The following CSMD1 variants were observed in gnomAD, a reference collection of about 807,000 sequenced individuals.
CSMD1 encodes CUB and sushi domain-containing protein 1.
In CSMD1, 213 loss-of-function variants were observed where a neutral mutation model predicts 417.5. That is an observed-to-expected ratio of 0.51 (90% CI 0.46 to 0.57). CSMD1 has a LOEUF of 0.57. CSMD1 is among the 20% of genes least tolerant of loss of function. The probability of loss-of-function intolerance (pLI) is 0.00; values close to 1 mark genes in which losing one functional copy is unlikely to be tolerated. For synonymous variants in CSMD1, 2,862 were observed against 1,736.8 expected, an observed-to-expected ratio of 1.65 and a Z score of -16.11; for missense variants, 6,923 against 4,529.7, an observed-to-expected ratio of 1.53 and a Z score of -15.17.
At chr8:4,052,664 G>A (rs1798492949) in intron 3 of CSMD1, among the ~76,000 whole-genome samples, 1 of 152,026 alleles carries the variant, frequency 6.6e-6, no homozygotes, top group Admixed American at 6.6e-5. Flanking sequence ...TCTGATAGAA[G>A]GAATCATCCC....
chr8:3,483,215 A>G (rs1369190313), intron 11 of CSMD1, among the ~76,000 whole-genome samples: 3 of 152,234 alleles, frequency 2.0e-5, no homozygotes, highest in South Asian at 4.1e-4. Context: ...ATGAAGCTAT[A>G]AGAACACTTG....
At chr8:4,468,214 G>T (rs1046600164) in intron 2 of CSMD1, among the ~76,000 whole-genome samples, 1 of 152,170 alleles carries the variant, frequency 6.6e-6, no homozygotes, top group East Asian at 1.9e-4. Flanking sequence ...AGCAGTGCCT[G>T]GGGCATGCCT....
intron 1 of CSMD1, among the ~76,000 whole-genome samples, chr8:4,919,407 G>A (rs923626036): frequency 1.3e-4 from 20 of 152,048 alleles, no homozygotes; most frequent in African/African-American, 4.6e-4. Context: ...TTAGAAATAT[G>A]ACCAAAATTT....
intron 5 of CSMD1, among the ~76,000 whole-genome samples, chr8:3,786,793 A>C (rs1376913151): frequency 2.0e-5 from 3 of 152,202 alleles, no homozygotes; most frequent in Non-Finnish European, 4.4e-5. Flanking sequence ...TTGCGTCCTC[A>C]GGTGGTAGAG....
At chr8:3,726,901 A>G (rs2623749) in intron 6 of CSMD1, among the ~76,000 whole-genome samples, 118,730 of 152,150 alleles carry the variant, frequency 0.78, 47,661 homozygotes, top group Non-Finnish European at 0.89. Flanking sequence ...ATGAGGAAAT[A>G]TCTGTTTAGC....
intron 12 of CSMD1, among the ~76,000 whole-genome samples, chr8:3,449,298 C>T (rs898601251): frequency 6.6e-6 from 1 of 152,122 alleles, no homozygotes; most frequent in Admixed American, 6.5e-5. Context: ...AGCTTCTTTG[C>T]TTTTAAAAAT....
Position 3,844,788 on chromosome 8 carries a change from A to C in CSMD1, c.819-90746T>G, listed in dbSNP as rs76048096. 1.5e-4 allele frequency among the ~76,000 whole-genome samples: 23 copies of C among 152,292 alleles called. No homozygotes were observed. In the East Asian group the frequency reaches 4.2e-3, roughly 28 times the overall value. On this transcript the variant is annotated intron_variant, in intron 5 of 69. Coordinates refer to ENST00000635120, the MANE Select transcript of CSMD1 (RefSeq NM_033225.6). ...ACTTATGAGCGAAACATACTCTGCC[A>C]CTTCTGTTCATAGAAGAATCAGAAC...
intron 1 of CSMD1, among the ~76,000 whole-genome samples, chr8:4,861,459 C>G (rs931787458): frequency 3.3e-5 from 5 of 152,034 alleles, no homozygotes; most frequent in Admixed American, 2.0e-4. Flanking sequence ...TGCTCGTAGA[C>G]AACTAAGCAA....
chr8:4,070,656 C>G (rs1416286620), intron 3 of CSMD1, among the ~76,000 whole-genome samples: 1 of 152,144 alleles, frequency 6.6e-6, no homozygotes, highest in African/African-American at 2.4e-5. Context: ...CGTGCCCGGC[C>G]ACCACCTATA....
At chr8:2,999,370 T>C (rs547000600) in intron 53 of CSMD1, among the ~76,000 whole-genome samples, 2 of 152,188 alleles carry the variant, frequency 1.3e-5, no homozygotes, top group Admixed American at 6.5e-5. Context: ...GCCAGGCTCG[T>C]CTTGAACTCC....
intron 50 of CSMD1, among the ~76,000 whole-genome samples, chr8:3,048,880 A>G (rs969939753): frequency 1.3e-5 from 2 of 152,080 alleles, no homozygotes; most frequent in Non-Finnish European, 2.9e-5. Flanking sequence ...ACTCTTAAAA[A>G]AAAAAAAAGG....
chr8:4,381,995 G>C (rs1006132826), intron 3 of CSMD1, among the ~76,000 whole-genome samples: 1 of 152,112 alleles, frequency 6.6e-6, no homozygotes, highest in African/African-American at 2.4e-5. Flanking sequence ...ACCGGACCAA[G>C]ATCCCTGAAA....
intron 37 of CSMD1, 71 bp downstream of exon 37, chr8:3,181,039 G>C: frequency 1.1e-6 from 1 of 905,516 alleles, no homozygotes; most frequent in Non-Finnish European, 1.8e-6. Flanking sequence ...ATAAGAGCAT[G>C]ATTTATTTTT....
At chr8:4,091,389 G>A (rs1256043276) in intron 3 of CSMD1, among the ~76,000 whole-genome samples, 1 of 152,130 alleles carries the variant, frequency 6.6e-6, no homozygotes, top group Non-Finnish European at 1.5e-5. Context: ...TAAAACAAAT[G>A]AATTTTAATG....
chr8:4,991,572 G>A (rs567801764), intron 1 of CSMD1, among the ~76,000 whole-genome samples: 2 of 152,240 alleles, frequency 1.3e-5, no homozygotes, highest in South Asian at 2.1e-4. Flanking sequence ...AGCTGCCCAC[G>A]GCAGTGGCCG....
chr8:3,459,825 G>A (rs574471390), intron 12 of CSMD1, among the ~76,000 whole-genome samples: 1 of 152,200 alleles, frequency 6.6e-6, no homozygotes, highest in Admixed American at 6.6e-5. Flanking sequence ...TGACTCATTG[G>A]CTACTGGGCT....
chr8:3,799,175 C>T (rs528779380), intron 5 of CSMD1, among the ~76,000 whole-genome samples: 29 of 152,006 alleles, frequency 1.9e-4, no homozygotes, highest in Non-Finnish European at 3.5e-4. Context: ...ATTTATTTGA[C>T]TATCATAAGA....
chr8:4,117,203 T>C (rs1415007369), intron 3 of CSMD1, among the ~76,000 whole-genome samples: 1 of 151,000 alleles, frequency 6.6e-6, no homozygotes, highest in Non-Finnish European at 1.5e-5. Flanking sequence ...CTGGAATGGC[T>C]TCCAAGGACC....
At chr8:4,930,591 G>A (rs565449660) in intron 1 of CSMD1, among the ~76,000 whole-genome samples, 19 of 152,228 alleles carry the variant, frequency 1.2e-4, no homozygotes, top group African/African-American at 4.1e-4. Flanking sequence ...GGATTGGCAA[G>A]GATAGAACAC....
Sources: allele counts gnomAD v4.1 joint callset (sites outside exome capture counted in the v4.1 genomes callset), GRCh38; gene constraint gnomAD v4.1.1; transcripts MANE v1.5; gene names NCBI Gene and HGNC (gene_info 2026-07-23, HGNC 2026-07-21).